Variants in CNBP observed in about 807,000 individuals in gnomAD.
The protein encoded by CNBP is CCHC-type zinc finger nucleic acid binding protein.
A neutral mutation model predicts 21.2 loss-of-function variants in CNBP; 6 were observed. That is an observed-to-expected ratio of 0.28 (90% CI 0.16 to 0.56). CNBP has a LOEUF of 0.56. Among genes scored for constraint, CNBP ranks in the 20% least tolerant of loss-of-function variants. The pLI, the probability that CNBP is intolerant of heterozygous loss-of-function variation, is 0.93. For missense variants in CNBP, 112 were observed against 233.1 expected (o/e 0.48, Z 3.38); for synonymous variants, 61 against 74.9 (o/e 0.81, Z 0.96).
At chr3:129,179,375 C>G (rs1938137664) in intron 1 of CNBP, among the ~76,000 whole-genome samples, 1 of 152,140 alleles carries the variant, frequency 6.6e-6, no homozygotes, top group Admixed American at 6.6e-5. Flanking sequence ...AGAGTACTTA[C>G]TCGGGAGCAA....
rs922373100 is a variant in CNBP, at chr3:129,168,913, C to T, written c.*1540G>A. Reference sequence around the variant, plus strand: ...AGATTGAGACCATCCTGGCTAACACCGTGAAACCCCGTCTTTACTAAAAAT... The same window carrying T: ...AGATTGAGACCATCCTGGCTAACACTGTGAAACCCCGTCTTTACTAAAAAT... On this transcript the variant is annotated 3_prime_UTR_variant, in exon 5 of 5. Transcript: ENST00000422453. Among the ~76,000 whole-genome samples, 15 of 147,560 alleles carry T rather than the reference C, an allele frequency of 1.0e-4. No homozygotes were observed. Among genetic ancestry groups the T allele is most frequent in the South Asian group, 2.2e-4 (1 of 4,612 alleles).
intron 1 of CNBP, among the ~76,000 whole-genome samples, chr3:129,178,158 CAA>C (rs368723690): frequency 3.9e-5 from 4 of 103,856 alleles, no homozygotes; most frequent in Admixed American, 1.2e-4. Context: ...GACTCTGTCT[CAA>C]AAAAAAAAAA....
chr3:129,178,171 A>AT lies in CNBP; in HGVS notation c.-15+5604_-15+5605insA, dbSNP rs1421046666. 1.3e-3 allele frequency among the ~76,000 whole-genome samples: 203 copies of AT among 151,618 alleles called. 1 individual carries two copies. The highest frequency in any genetic ancestry group is 4.4e-3 in the African/African-American group (182 of 41,394). ...AAGACTCTGTCTCAAAAAAAAAAAA[A>AT]AAAAAAAATAAGGTCTGACAAGACT... On this transcript the variant is annotated intron_variant, in intron 1 of 4. Coordinates refer to ENST00000422453, the MANE Select transcript of CNBP (RefSeq NM_003418.5).
intron 1 of CNBP, among the ~76,000 whole-genome samples, chr3:129,174,364 A>AAAAAAAAAAAC (rs1560036525): frequency 6.8e-6 from 1 of 148,104 alleles, no homozygotes; most frequent in Non-Finnish European, 1.5e-5. Flanking sequence ...AAAAAAAAAA[A>AAAAAAAAAAAC]AAAAAAAAAA....
chr3:129,170,240 T>C lies in CNBP; in HGVS notation c.*213A>G. The C allele has an allele frequency of 1.8e-6, 1 of 566,578 alleles. No homozygotes were observed. The highest frequency in any genetic ancestry group is 1.9e-5 in the African/African-American group (1 of 53,546). The allele number at this position is 566,578 out of a possible 1,614,324, so 35.1% of individuals were successfully genotyped here. A position where few individuals can be genotyped will look rare whatever the true frequency, so the allele number is the denominator to read the frequency against. On this transcript the variant is annotated 3_prime_UTR_variant, in exon 5 of 5. Transcript: ENST00000422453. Reference sequence around the variant, plus strand: ...AAGGGGGTTCTTTAACAAAGCATTATACATAACACCTCTACCAAACTAAAC... The same window carrying C: ...AAGGGGGTTCTTTAACAAAGCATTACACATAACACCTCTACCAAACTAAAC...
In CNBP at chr3:129,171,648, A is replaced by C; in HGVS notation, c.110T>G (p.Phe37Cys). ...CGACAAAATACCTCTATCCGAGGTA[A>C]AACCACCTCTGCCACGGCTTCTCAT... ...RGMRSRGRGG[F>C]TSDRGFQFVS... The change falls in exon 2 of 5, where the codon TTT becomes TGT. Residue 37 changes from phenylalanine to cysteine, a missense_variant. Phe to Cys is a radical substitution (Grantham distance 205). Coordinates refer to ENST00000422453, the MANE Select transcript of CNBP (RefSeq NM_003418.5). The C allele has an allele frequency of 1.2e-6, 2 of 1,614,200 alleles. No individual in the cohort carries two copies. Among genetic ancestry groups the C allele is most frequent in the Non-Finnish European group, 1.7e-6 (2 of 1,180,026 alleles).
intron 1 of CNBP, among the ~76,000 whole-genome samples, chr3:129,183,281 G>A (rs1297647991): frequency 6.6e-6 from 1 of 152,044 alleles, no homozygotes; most frequent in South Asian, 2.1e-4. Context: ...CAAAACCCTT[G>A]GCACATGGCC....
rs1407014890 is a variant in CNBP at position 129,169,350 on chromosome 3, A to T, written c.*1103T>A. The T allele has an allele frequency of 1.0e-5, 2 of 191,698 alleles. No homozygotes were observed. Among genetic ancestry groups the T allele is most frequent in the Non-Finnish European group, 2.2e-5 (2 of 91,598 alleles). 11.9% of individuals were successfully genotyped at this position (191,698 alleles called of 1,614,324 possible). On this transcript the variant is annotated 3_prime_UTR_variant, in exon 5 of 5. Coordinates refer to ENST00000422453, the MANE Select transcript of CNBP (RefSeq NM_003418.5). Reference sequence around the variant, plus strand: ...CAGACTGAACACAGAACTCAAGGGCATTATTATAACAGATTACAAAGTGAA... The same window carrying T: ...CAGACTGAACACAGAACTCAAGGGCTTTATTATAACAGATTACAAAGTGAA...
intron 4 of CNBP, 88 bp from the exon 5 acceptor site, chr3:129,170,658 G>A: frequency 2.0e-6 from 2 of 1,003,702 alleles, no homozygotes; most frequent in Non-Finnish European, 3.2e-6. Flanking sequence ...CAAAACGCCT[G>A]ATCTTTGTTT....
chr3:129,180,333 A>C (rs1202714390), intron 1 of CNBP, among the ~76,000 whole-genome samples: 2 of 152,218 alleles, frequency 1.3e-5, no homozygotes, highest in African/African-American at 4.8e-5. Flanking sequence ...AGCTTTCTTG[A>C]ATCTTAAAAA....
At chr3:129,172,732 ACT>A (rs1205683460) in intron 1 of CNBP, among the ~76,000 whole-genome samples, 4 of 149,604 alleles carry the variant, frequency 2.7e-5, no homozygotes, top group South Asian at 2.1e-4. Context: ...ACACACACAC[ACT>A]GGCAGTAATA....
chr3:129,180,691 G>T (rs1343266111), intron 1 of CNBP, among the ~76,000 whole-genome samples: 3 of 152,062 alleles, frequency 2.0e-5, no homozygotes, highest in African/African-American at 7.2e-5. Context: ...TAGCAGGCCA[G>T]GATGCCTTGG....
intron 1 of CNBP, among the ~76,000 whole-genome samples, chr3:129,175,580 C>A (rs1937849216): frequency 6.6e-6 from 1 of 151,914 alleles, no homozygotes; most frequent in Non-Finnish European, 1.5e-5. Flanking sequence ...CAGGCGTGCA[C>A]CACCACGCCC....
In CNBP at chr3:129,172,659, GACA is replaced by G. The variant is rs1560034989; in HGVS notation, c.-14-891_-14-889del. On this transcript the variant is annotated intron_variant, in intron 1 of 4. Transcript: ENST00000422453. ...AGGCAGGCAGGCAGGCAGGCAGGCA[GACA>G]GACAGACAGACAGACAGACAGACAG... Among the ~76,000 whole-genome samples, 325 of 115,488 alleles carry G rather than the reference GACA, an allele frequency of 2.8e-3. 5 individuals carry two copies. The highest frequency in any genetic ancestry group is 0.011 in the East Asian group (43 of 3,948). The allele number at this position is 115,488 out of a possible 152,430, so 75.8% of individuals were successfully genotyped here.
intron 1 of CNBP, among the ~76,000 whole-genome samples, chr3:129,181,924 C>G (rs925499481): frequency 1.1e-4 from 16 of 152,042 alleles, no homozygotes; most frequent in Non-Finnish European, 2.2e-4. Context: ...AGACAAGAAT[C>G]AGGCTCAACA....
chr3:129,170,685 T>C, intron 4 of CNBP, 115 bp from the exon 5 acceptor site: 1 of 797,424 alleles, frequency 1.3e-6, no homozygotes, highest in Non-Finnish European at 2.2e-6. Context: ...AATTAACCCC[T>C]AAGGTTTCAC....
At chr3:129,179,330 G>A (rs1382261332) in intron 1 of CNBP, among the ~76,000 whole-genome samples, 3 of 152,100 alleles carry the variant, frequency 2.0e-5, no homozygotes, top group African/African-American at 7.2e-5. Context: ...TATACTTTCT[G>A]TATTACCTGC....
intron 1 of CNBP, among the ~76,000 whole-genome samples, chr3:129,183,100 G>A (rs1938427674): frequency 6.6e-6 from 1 of 151,990 alleles, no homozygotes; most frequent in Non-Finnish European, 1.5e-5. Flanking sequence ...ACATGCGCCC[G>A]CCACCATGCC....
chr3:129,170,705 C>T (rs1398289447), intron 4 of CNBP, 135 bp from the exon 5 acceptor site: 3 of 699,600 alleles, frequency 4.3e-6, no homozygotes, highest in East Asian at 5.0e-5. Flanking sequence ...CAGATATGTA[C>T]ACAACAACAT....
Sources: gnomAD v4.1 joint callset for allele counts (sites outside exome capture counted in the v4.1 genomes callset) on GRCh38, gnomAD v4.1.1 for gene constraint, MANE v1.5 for transcripts, NCBI Gene and HGNC (gene_info 2026-07-23, HGNC 2026-07-21) for gene names.